The following MYO19 variants were observed in gnomAD, a reference collection of about 807,000 sequenced individuals.
MYO19 encodes the protein myosin XIX, also known as unconventional myosin-XIX.
A neutral mutation model predicts 129.2 loss-of-function variants in MYO19; 132 were observed. The observed-to-expected ratio is 1.02, with a 90% CI of 0.89 to 1.18. MYO19 has a LOEUF of 1.18. Among genes scored for constraint, MYO19 ranks in the 50% most tolerant of loss-of-function variants. MYO19 has a pLI of 0.00. For missense variants in MYO19, 1,210 were observed against 1,216.7 expected (o/e 0.99, Z 0.08); for synonymous variants, 531 against 477.2 (o/e 1.11, Z -1.47).
At chr17:36,527,977 G>A (rs951607934) in intron 4 of MYO19, 87 bp downstream of exon 4, 23 of 1,527,702 alleles carry the variant, frequency 1.5e-5, no homozygotes, top group Admixed American at 5.6e-5. Context: ...GCCGACCTCC[G>A]TCTGACCTGG....
chr17:36,500,897 A>C lies in MYO19; in HGVS notation c.2310T>G (p.Gly770=). Residue 770 remains glycine, a synonymous_variant, in exon 23 of 26, where the codon GGT becomes GGG. Coordinates refer to ENST00000614623, the MANE Select transcript of MYO19 (RefSeq NM_001163735.2). ...VLEQCARCIQ[G]GWRRHRHREQ... ...CTCGGTGCCGGTGTCGCCTCCAGCC[A>C]CCCTGGATGCAGCGGGCACACTGCT... 6.2e-7 allele frequency: 1 copy of C among 1,608,270 alleles called. No individual in the cohort carries two copies. Among genetic ancestry groups the C allele is most frequent in the East Asian group, 2.2e-5 (1 of 44,806 alleles).
upstream of MYO19, among the ~76,000 whole-genome samples, chr17:36,536,925 A>G (rs2074147093): frequency 1.3e-5 from 2 of 152,354 alleles, no homozygotes; most frequent in Admixed American, 6.5e-5. Flanking sequence ...ATTAGTGTTA[A>G]GCTTCTTCCC....
chr17:36,507,301 G>A, intron 16 of MYO19, 98 bp downstream of exon 16: 1 of 1,421,030 alleles, frequency 7.0e-7, no homozygotes, highest in African/African-American at 1.4e-5. Context: ...TGGCAGACTG[G>A]GAGGAGAGAG....
At chr17:36,542,738 T>C (rs2074203546) in intron 1 of MYO19, among the ~76,000 whole-genome samples, 1 of 151,688 alleles carries the variant, frequency 6.6e-6, no homozygotes, top group Non-Finnish European at 1.5e-5. Context: ...CATTAATTGA[T>C]GTACCACTGT....
intron 9 of MYO19, 143 bp downstream of exon 9, chr17:36,514,302 TA>T: frequency 1.5e-6 from 1 of 652,030 alleles, no homozygotes. Context: ...GTGCTGCATG[TA>T]AAGTCTGCAG....
At chr17:36,498,702 A>G in intron 24 of MYO19, 143 bp from the exon 25 acceptor site, 1 of 922,846 alleles carries the variant, frequency 1.1e-6, no homozygotes, top group Non-Finnish European at 1.6e-6. Context: ...GCCCTGAACC[A>G]AACTGGTTCC....
At position 36,495,683 on chromosome 17, in the gene MYO19, C is replaced by A; in HGVS notation, c.*568G>T. 7.9e-7 allele frequency: 1 copy of A among 1,265,144 alleles called. No individual in the cohort carries two copies. The highest frequency in any genetic ancestry group is 9.9e-7 in the Non-Finnish European group (1 of 1,007,654). The allele number at this position is 1,265,144 out of a possible 1,614,324, so 78.4% of individuals were successfully genotyped here. A position where few individuals can be genotyped will look rare whatever the true frequency, so the allele number is the denominator to read the frequency against. On this transcript the variant is annotated 3_prime_UTR_variant, in exon 26 of 26. Transcript: ENST00000614623. ...TGGTACAGTTGATAGACATCATAAACGATATCAAGCTTACACTTCATATGG... is the reference window on the plus strand; with the variant it reads ...TGGTACAGTTGATAGACATCATAAAAGATATCAAGCTTACACTTCATATGG...
At chr17:36,533,514 C>T (rs1047324000) in intron 2 of MYO19, 2 of 152,156 alleles carry the variant, frequency 1.3e-5, no homozygotes, top group African/African-American at 4.8e-5. Flanking sequence ...GAGGGTGAAG[C>T]GTGCCTGCAA....
rs2070940364 is a variant in MYO19 at position 36,496,095 on chromosome 17, C to G, written c.*156G>C. The stretch of plus-strand genomic sequence containing the variant: ...CTGGAACCCCAGGCCCACTGACGCA[C>G]TGGGCACGGGGCTCTGGGTCGAAGG... On this transcript the variant is annotated 3_prime_UTR_variant, in exon 26 of 26. Transcript: ENST00000614623. 2 of 1,044,138 alleles carry G rather than the reference C, an allele frequency of 1.9e-6. No individual in the cohort carries two copies. Among genetic ancestry groups the G allele is most frequent in the Non-Finnish European group, 1.4e-6 (1 of 721,510 alleles). The allele number at this position is 1,044,138 out of a possible 1,614,324, so 64.7% of individuals were successfully genotyped here.
At position 36,503,968 on chromosome 17, in the gene MYO19, G is replaced by T; in HGVS notation, c.1958C>A (p.Ala653Asp). The part of the protein sequence containing the change: ...CGLVETIHIS[A>D]AGFPIRVSHR... ...CACTCACCGGATGGGGAAGCCAGCAGCACTGATATGGATGGTCTCCACGAG... is the reference window on the plus strand; with the variant it reads ...CACTCACCGGATGGGGAAGCCAGCATCACTGATATGGATGGTCTCCACGAG... The change falls in exon 20 of 26, where the codon GCT becomes GAT. Residue 653 changes from alanine (A) to aspartate (D), a missense_variant. Ala to Asp is a moderately radical substitution (Grantham distance 126). Transcript: ENST00000614623. 6.3e-7 allele frequency: 1 copy of T among 1,592,848 alleles called. No individual in the cohort carries two copies. The highest frequency in any genetic ancestry group is 8.5e-7 in the Non-Finnish European group (1 of 1,170,798).
chr17:36,538,628 AG>A, upstream of MYO19: 1 of 1,532,374 alleles, frequency 6.5e-7, no homozygotes, highest in South Asian at 1.2e-5. Flanking sequence ...CAGCAGGAGT[AG>A]GATATATAAG....
In MYO19 at chr17:36,513,518, C is replaced by A. The variant is rs778090896; in HGVS notation, c.818-13G>T. On this transcript the variant is annotated splice_polypyrimidine_tract_variant and intron_variant, in intron 10 of 25. Coordinates refer to ENST00000614623, the MANE Select transcript of MYO19 (RefSeq NM_001163735.2). ...TCAAAACAATCCTCTGAAAAAGAAT[C>A]CAAGTTCGGGGCAGAGGTCAGCAGC... 1 of 1,613,868 alleles carries A rather than the reference C, an allele frequency of 6.2e-7. No homozygotes were observed. Among genetic ancestry groups the A allele is most frequent in the Non-Finnish European group, 8.5e-7 (1 of 1,179,820 alleles).
chr17:36,532,661 T>A lies in MYO19; in HGVS notation c.-123A>T. 8.5e-7 allele frequency: 1 copy of A among 1,182,996 alleles called. No homozygotes were observed. Among genetic ancestry groups the A allele is most frequent in the Non-Finnish European group, 1.2e-6 (1 of 814,932 alleles). 73.3% of individuals were successfully genotyped at this position (1,182,996 alleles called of 1,614,324 possible). ...CAAAGGGCTCAGTTCTGGAGGAATC[T>A]CAGACAAGTCACTCCAGCGCCTGTG... is the stretch of plus-strand genomic sequence containing the variant. On this transcript the variant is annotated 5_prime_UTR_variant, in exon 3 of 26. Coordinates refer to ENST00000614623, the MANE Select transcript of MYO19 (RefSeq NM_001163735.2).
Position 36,500,972 on chromosome 17 carries a change from G to A in MYO19, c.2248-13C>T. The A allele has an allele frequency of 6.2e-7, 1 of 1,609,716 alleles. No homozygotes were observed. On this transcript the variant is annotated splice_polypyrimidine_tract_variant and intron_variant, in intron 22 of 25. Coordinates refer to ENST00000614623, the MANE Select transcript of MYO19 (RefSeq NM_001163735.2). ...CCAGAAGCTCCAGCTGGGAGAAAAG[G>A]CATCCATTGAGGGCAGCCTCTTCTC...
upstream of MYO19, chr17:36,539,410 G>A (rs2074183607): frequency 6.0e-6 from 1 of 165,400 alleles, no homozygotes; most frequent in Non-Finnish European, 1.5e-5. Flanking sequence ...CAGATGGGTG[G>A]ATATAAAAAG....
chr17:36,519,527 T>C (rs1290897971), intron 6 of MYO19, among the ~76,000 whole-genome samples: 1 of 152,218 alleles, frequency 6.6e-6, no homozygotes, highest in African/African-American at 2.4e-5. Context: ...CATGTGATCT[T>C]AGTTCCCTTT....
rs1035079490 is a variant in MYO19, at chr17:36,533,970, A to G, written c.-161T>C. On this transcript the variant is annotated 5_prime_UTR_variant, in exon 2 of 26. Coordinates refer to ENST00000614623, the MANE Select transcript of MYO19 (RefSeq NM_001163735.2). ...GCTAATACCTGTGAAAGCGCTCTGC[A>G]AATGTTATTACGATGCAGCATCAGC... is the stretch of plus-strand genomic sequence containing the variant. 4 of 152,288 alleles carry G rather than the reference A, an allele frequency of 2.6e-5. No individual in the cohort carries two copies. The highest frequency in any genetic ancestry group is 9.6e-5 in the African/African-American group (4 of 41,470). 9.4% of individuals were successfully genotyped at this position (152,288 alleles called of 1,614,324 possible). A position where few individuals can be genotyped will look rare whatever the true frequency, so the allele number is the denominator to read the frequency against.
chr17:36,530,031 A>G (rs1231806514), intron 3 of MYO19, among the ~76,000 whole-genome samples: 3 of 152,234 alleles, frequency 2.0e-5, no homozygotes, highest in Non-Finnish European at 4.4e-5. Flanking sequence ...CCTGGCCAAC[A>G]GAGCAAGACC....
At position 36,507,481 on chromosome 17, in the gene MYO19, G is replaced by A; in HGVS notation, c.1385C>T (p.Ser462Leu). Residue 462 changes from serine to leucine, a missense_variant, in exon 16 of 26, where the codon TCA becomes TTA. By Grantham distance (145) the Ser-to-Leu change is moderately radical. Transcript: ENST00000614623. ...EEYAVEGLEW[S>L]FINYQDNQPC... ...CTGGTTGTCCTGGTAGTTGATGAAT[G>A]ACCACTCCAGGCCCTCAACTGCGTA... The A allele has an allele frequency of 6.2e-7, 1 of 1,613,698 alleles. No homozygotes were observed. The highest frequency in any genetic ancestry group is 8.5e-7 in the Non-Finnish European group (1 of 1,179,854).
Sources: allele counts gnomAD v4.1 joint callset (sites outside exome capture counted in the v4.1 genomes callset), GRCh38; gene constraint gnomAD v4.1.1; transcripts MANE v1.5; gene names NCBI Gene and HGNC (gene_info 2026-07-23, HGNC 2026-07-21).